The following BLMH variants were observed in gnomAD, a reference collection of about 807,000 sequenced individuals.
BLMH encodes bleomycin hydrolase, also known as BLM hydrolase.
A neutral mutation model predicts 61.6 loss-of-function variants in BLMH; 32 were observed. That is an observed-to-expected ratio of 0.52 (90% confidence interval 0.39 to 0.70). The LOEUF is 0.70. Ranked by LOEUF, BLMH falls within the 30% of genes least tolerant of loss-of-function variation. BLMH has a pLI of 0.00. For missense variants in BLMH, 460 were observed against 555.5 expected (o/e 0.83, Z 1.73); for synonymous variants, 183 against 193.8 (o/e 0.94, Z 0.46).
chr17:30,285,993 A>G (rs543399930), intron 5 of BLMH, among the ~76,000 whole-genome samples: 1 of 152,312 alleles, frequency 6.6e-6, no homozygotes, highest in East Asian at 1.9e-4. Context: ...CCACAGTGCT[A>G]AAGAGGATGT....
chr17:30,288,153 G>A, intron 3 of BLMH: 2 of 458,980 alleles, frequency 4.4e-6, no homozygotes, highest in South Asian at 3.6e-5. Flanking sequence ...CCCAGTTTGG[G>A]GACTTACGAT....
intron 6 of BLMH, among the ~76,000 whole-genome samples, chr17:30,282,736 T>C (rs996815390): frequency 6.6e-5 from 10 of 152,266 alleles, no homozygotes; most frequent in Admixed American, 2.0e-4. Flanking sequence ...AGCCATCATT[T>C]TGACTTGCCT....
Position 30,272,779 on chromosome 17 carries a change from G to GGAAGTC in BLMH, c.916_921dup (p.Asp306_Phe307dup). The GGAAGTC allele has an allele frequency of 6.2e-7, 1 of 1,614,178 alleles. No homozygotes were observed. Among genetic ancestry groups the GGAAGTC allele is most frequent in the Non-Finnish European group, 8.5e-7 (1 of 1,180,038 alleles). ...ATGGAGGCAGCAACCATCTTTTTCA[G>GGAAGTC]GAAGTCAATGGGCTGGTTGTTGTAT... is the stretch of plus-strand genomic sequence containing the variant. On this transcript the variant is annotated inframe_insertion, in exon 8 of 12. Transcript: ENST00000261714.
At chr17:30,277,946 A>G (rs1308991687) in intron 6 of BLMH, among the ~76,000 whole-genome samples, 2 of 152,324 alleles carry the variant, frequency 1.3e-5, no homozygotes, top group African/African-American at 2.4e-5. Flanking sequence ...TTTAGATTCT[A>G]GTAAAACTTT....
chr17:30,290,289 G>C (rs950458122), intron 2 of BLMH, among the ~76,000 whole-genome samples: 4 of 152,200 alleles, frequency 2.6e-5, no homozygotes, highest in Admixed American at 2.6e-4. Context: ...ATGTAAAAGT[G>C]ACACTGCAAA....
At chr17:30,259,024 A>C (rs1006292162) in intron 11 of BLMH, among the ~76,000 whole-genome samples, 1 of 151,972 alleles carries the variant, frequency 6.6e-6, no homozygotes, top group Non-Finnish European at 1.5e-5. Flanking sequence ...ATCCTCCCTA[A>C]AGAGGGTCAC....
intron 11 of BLMH, among the ~76,000 whole-genome samples, chr17:30,265,945 C>G (rs1354429587): frequency 6.6e-6 from 1 of 152,120 alleles, no homozygotes; most frequent in African/African-American, 2.4e-5. Context: ...ACAGTGATCT[C>G]TAGGTGGTTG....
intron 2 of BLMH, among the ~76,000 whole-genome samples, chr17:30,290,603 G>A (rs11657758): frequency 0.053 from 8,037 of 152,258 alleles, 269 homozygotes; most frequent in Middle Eastern, 0.078. Context: ...TAGACTGGGG[G>A]GTCGTTTTTA....
At position 30,248,887 on chromosome 17, in the gene BLMH, G is replaced by T; in HGVS notation, c.*130C>A. 1.7e-6 allele frequency: 2 copies of T among 1,174,344 alleles called. No homozygotes were observed. The highest frequency in any genetic ancestry group is 1.5e-5 in the South Asian group (1 of 66,482). 72.7% of individuals were successfully genotyped at this position (1,174,344 alleles called of 1,614,324 possible). ...CACACTTTCTGAAGAGGTTCCTGGTGGAGACTGGAAATCTGACTGTGTCCT... is the reference window on the plus strand; with the variant it reads ...CACACTTTCTGAAGAGGTTCCTGGTTGAGACTGGAAATCTGACTGTGTCCT... On this transcript the variant is annotated 3_prime_UTR_variant, in exon 12 of 12. Coordinates refer to ENST00000261714, the MANE Select transcript of BLMH (RefSeq NM_000386.4).
intron 6 of BLMH, among the ~76,000 whole-genome samples, chr17:30,284,837 TG>T (rs1314181889): frequency 6.6e-6 from 1 of 152,228 alleles, no homozygotes; most frequent in Non-Finnish European, 1.5e-5. Context: ...CATGATTCCC[TG>T]AAGGTTCTAT....
Position 30,256,509 on chromosome 17 carries a change from T to C in BLMH, c.1217-7341A>G, listed in dbSNP as rs1334621034. ...ATGCCCAGCTAATTTTTCGTATTTT[T>C]AGTGGAGACGGGGTTTCGCCACTTT... On this transcript the variant is annotated intron_variant, in intron 11 of 11. Coordinates refer to ENST00000261714, the MANE Select transcript of BLMH (RefSeq NM_000386.4). Among the ~76,000 whole-genome samples the C allele has an allele frequency of 7.9e-5, 12 of 152,090 alleles. 1 individual carries two copies. The highest frequency in any genetic ancestry group is 7.9e-4 in the Admixed American group (12 of 15,272).
rs192934934 is a variant in BLMH, at chr17:30,290,457, T to A, written c.211+854A>T. On this transcript the variant is annotated intron_variant, in intron 2 of 11. Coordinates refer to ENST00000261714, the MANE Select transcript of BLMH (RefSeq NM_000386.4). ...ACATTAATTATTGTAAGGTCTTGAC[T>A]TTTTCCTTAACATTTAAAAAATCAA... 2.2e-3 allele frequency among the ~76,000 whole-genome samples: 336 copies of A among 152,346 alleles called. 1 individual carries two copies. Among genetic ancestry groups the A allele is most frequent in the African/African-American group, 7.9e-3 (330 of 41,586 alleles).
intron 4 of BLMH, 107 bp downstream of exon 4, chr17:30,287,699 G>C: frequency 7.7e-7 from 1 of 1,295,724 alleles, no homozygotes. Context: ...ATCCTTCTTG[G>C]AGACCAATTC....
At chr17:30,285,224 AAAGT>A in intron 6 of BLMH, among the ~76,000 whole-genome samples, 160 bp downstream of exon 6, 1 of 152,374 alleles carries the variant, frequency 6.6e-6, no homozygotes. Flanking sequence ...ACTAAAAGGC[AAAGT>A]AAGTTTTAAG....
intron 11 of BLMH, among the ~76,000 whole-genome samples, chr17:30,260,838 G>A (rs1483632529): frequency 3.3e-5 from 5 of 151,970 alleles, no homozygotes; most frequent in South Asian, 2.1e-4. Context: ...AGCCAAGACC[G>A]CACCACTGCA....
chr17:30,267,879 T>C (rs2143021327), intron 10 of BLMH, among the ~76,000 whole-genome samples: 1 of 152,316 alleles, frequency 6.6e-6, no homozygotes, highest in East Asian at 1.9e-4. Context: ...CACTTGCAAA[T>C]AACTATATGA....
chr17:30,267,152 A>G (rs1908135838), intron 10 of BLMH, among the ~76,000 whole-genome samples, 198 bp from the exon 11 acceptor site: 1 of 152,242 alleles, frequency 6.6e-6, no homozygotes, highest in African/African-American at 2.4e-5. Context: ...GGGATACTCC[A>G]GTAGAAATGG....
chr17:30,249,243 AC>A, intron 11 of BLMH, 75 bp from the exon 12 acceptor site: 1 of 1,453,424 alleles, frequency 6.9e-7, no homozygotes, highest in Middle Eastern at 1.8e-4. Context: ...TGTAGGATAA[AC>A]CTTTTACAAA....
At chr17:30,271,494 CAAAT>C in intron 9 of BLMH, 106 bp from the exon 10 acceptor site, 1 of 779,620 alleles carries the variant, frequency 1.3e-6, no homozygotes, top group Non-Finnish European at 2.2e-6. Flanking sequence ...TCAACAGCTC[CAAAT>C]AAATAAGGCT....
Sources: gnomAD v4.1 joint callset for allele counts (sites outside exome capture counted in the v4.1 genomes callset) on GRCh38, gnomAD v4.1.1 for gene constraint, MANE v1.5 for transcripts, NCBI Gene and HGNC (gene_info 2026-07-23, HGNC 2026-07-21) for gene names.